Variants in NAXD observed in about 807,000 individuals in gnomAD.
NAXD encodes NAD(P)HX dehydratase, also known as ATP-dependent (S)-NAD(P)H-hydrate dehydratase.
NAXD carries 22 observed loss-of-function variants against 35.8 expected under a neutral mutation model. That is an observed-to-expected ratio of 0.62 (90% CI 0.44 to 0.88). The LOEUF (loss-of-function observed/expected upper bound fraction) is 0.88. Ranked by LOEUF, NAXD falls within the 40% of genes least tolerant of loss-of-function variation. NAXD has a pLI of 0.00. For synonymous variants in NAXD, 189 were observed against 177.6 expected (o/e 1.06, Z -0.51); for missense variants, 428 against 437.7 (o/e 0.98, Z 0.20).
chr13:110,624,236 A>T lies in NAXD; in HGVS notation c.200A>T (p.Tyr67Phe), dbSNP rs772245800. 6.2e-7 allele frequency: 1 copy of T among 1,604,768 alleles called. No homozygotes were observed. The highest frequency in any genetic ancestry group is 1.1e-5 in the South Asian group (1 of 90,336). Residue 67 changes from tyrosine (Y) to phenylalanine (F), a missense_variant and splice_region_variant, in exon 3 of 10, where the codon TAC becomes TTC. Tyr to Phe is a conservative substitution (Grantham distance 22, BLOSUM62 3). This residue lies in a region of NAXD where 208 missense variants were observed against 193.0 expected (regional missense o/e 1.08). Transcript: ENST00000680254. ...RIGVVGGCQE[Y>F]TGAPYFAAIS... ...GACTCTAAATACCTTCTTTTTAGGT[A>T]CACTGGAGCCCCATATTTTGCAGCA...
chr13:110,619,195 G>C (rs939837060), intron 1 of NAXD, among the ~76,000 whole-genome samples: 1 of 152,128 alleles, frequency 6.6e-6, no homozygotes, highest in Non-Finnish European at 1.5e-5. Context: ...GTGGGTTTAT[G>C]GTATTTGCCC....
In NAXD at chr13:110,624,843, C is replaced by T. The variant is rs550646090; in HGVS notation, c.244-347C>T. Among the ~76,000 whole-genome samples, 22 of 152,330 alleles carry T rather than the reference C, an allele frequency of 1.4e-4. 2 individuals carry two copies. The South Asian group carries it at 3.5e-3, about 24-fold the overall frequency. On this transcript the variant is annotated intron_variant, in intron 3 of 9. Transcript: ENST00000680254. ...GTGCACCTGGGATGCCTTTGTAGGT[C>T]GCAGCTGAAGCCGCTGATCCTGCAG...
intron 4 of NAXD, among the ~76,000 whole-genome samples, chr13:110,626,003 C>G (rs1025229239): frequency 3.9e-5 from 6 of 152,096 alleles, no homozygotes; most frequent in African/African-American, 1.4e-4. Flanking sequence ...CTGGGTCGAG[C>G]CCGGCCTCTC....
At chr13:110,634,088 C>G (rs532113409) in intron 5 of NAXD, among the ~76,000 whole-genome samples, 1 of 152,170 alleles carries the variant, frequency 6.6e-6, no homozygotes, top group Admixed American at 6.5e-5. Context: ...ACGGGCTCTG[C>G]GAGTTCATTG....
intron 4 of NAXD, among the ~76,000 whole-genome samples, chr13:110,626,077 AGGTGCAGGGCTGGGCCCCACAG>A (rs1247674900): frequency 6.6e-6 from 1 of 151,910 alleles, no homozygotes; most frequent in African/African-American, 2.4e-5. Flanking sequence ...GGTGACCAAG[AGGTGCAGGGCTGGGCCCCACAG>A]GGTGTGGGGC....
chr13:110,624,140 ATTT>A (rs1309860324), intron 2 of NAXD, 91 bp from the exon 3 acceptor site: 5 of 750,524 alleles, frequency 6.7e-6, no homozygotes, highest in Non-Finnish European at 1.2e-5. Context: ...TGTCTATATT[ATTT>A]ATGTCTATTT....
chr13:110,624,189 T>TG, intron 2 of NAXD, 45 bp from the exon 3 acceptor site: 1 of 1,191,440 alleles, frequency 8.4e-7, no homozygotes. Context: ...AAGGTATGCT[T>TG]ACCTTATTCT....
intron 8 of NAXD, among the ~76,000 whole-genome samples, chr13:110,636,377 T>C (rs573950137): frequency 1.3e-5 from 2 of 152,334 alleles, no homozygotes; most frequent in East Asian, 3.9e-4. Context: ...ACGCATGCAA[T>C]TCATACACAT....
At chr13:110,622,104 A>T (rs1040142495) in intron 1 of NAXD, 112 bp from the exon 2 acceptor site, 18 of 863,388 alleles carry the variant, frequency 2.1e-5, no homozygotes, top group Non-Finnish European at 2.9e-5. Context: ...CCATTGGGTA[A>T]AAATCTATAG....
intron 5 of NAXD, among the ~76,000 whole-genome samples, chr13:110,631,790 A>G (rs1184220372): frequency 1.3e-5 from 2 of 152,162 alleles, no homozygotes; most frequent in Non-Finnish European, 2.9e-5. Flanking sequence ...AGTCTCAGGT[A>G]CCTGCCTCCC....
At chr13:110,615,923 C>G in intron 1 of NAXD, 1 of 604,738 alleles carries the variant, frequency 1.7e-6, no homozygotes, top group Non-Finnish European at 2.4e-6. Context: ...GACGGCTGGG[C>G]GCGGCTTGGG....
At chr13:110,624,766 T>C (rs1225811528) in intron 3 of NAXD, among the ~76,000 whole-genome samples, 2 of 152,206 alleles carry the variant, frequency 1.3e-5, no homozygotes, top group Admixed American at 6.5e-5. Context: ...CTGGCCTCAA[T>C]TGAAGCCCAT....
intron 5 of NAXD, among the ~76,000 whole-genome samples, chr13:110,632,197 G>A (rs183284243): frequency 6.7e-6 from 1 of 148,826 alleles, no homozygotes; most frequent in African/African-American, 2.5e-5. Context: ...ACAGACCTTC[G>A]CGGTGAGTGT....
At chr13:110,616,051 C>T in intron 1 of NAXD, 1 of 371,416 alleles carries the variant, frequency 2.7e-6, no homozygotes, top group African/African-American at 2.1e-5. Context: ...GGGCCGAGGG[C>T]CGAGGACGGT....
intron 5 of NAXD, among the ~76,000 whole-genome samples, chr13:110,633,770 T>C (rs975123325): frequency 4.0e-4 from 60 of 150,736 alleles, no homozygotes; most frequent in Non-Finnish European, 1.5e-5. Context: ...TTTTTTTTTT[T>C]AATAGAAAAC....
At chr13:110,624,379 ATATCT>A (rs10544782) in intron 3 of NAXD, 100 bp downstream of exon 3, 105,724 of 788,234 alleles carry the variant, frequency 0.13, 8,858 homozygotes, top group Admixed American at 0.34. Context: ...AATCTAAATA[ATATCT>A]TAGGGTAATC....
intron 1 of NAXD, 60 bp downstream of exon 1, chr13:110,615,707 C>A: frequency 6.6e-7 from 1 of 1,517,696 alleles, no homozygotes; most frequent in Non-Finnish European, 8.8e-7. Context: ...GAACTGCCGT[C>A]GCCGGCGCGG....
chr13:110,630,852 C>A (rs1886671921), intron 5 of NAXD, among the ~76,000 whole-genome samples: 1 of 152,164 alleles, frequency 6.6e-6, no homozygotes, highest in South Asian at 2.1e-4. Context: ...ACTGTTGTTT[C>A]TGTTTTGTTG....
Position 110,621,170 on chromosome 13 carries a change from G to C in NAXD, c.47-1046G>C, listed in dbSNP as rs182894420. 3.0e-3 allele frequency among the ~76,000 whole-genome samples: 451 copies of C among 152,322 alleles called. 3 individuals are homozygous for C. The highest frequency in any genetic ancestry group is 6.8e-3 in the Middle Eastern group (2 of 294). On this transcript the variant is annotated intron_variant, in intron 1 of 9. Transcript: ENST00000680254. ...ATACCCAGTTGAGTGTTGGAATACAGTTGGGAGTAATATGATGAATCTGTC... is the reference window on the plus strand; with the variant it reads ...ATACCCAGTTGAGTGTTGGAATACACTTGGGAGTAATATGATGAATCTGTC...
Sources: gnomAD v4.1 joint callset for allele counts (sites outside exome capture counted in the v4.1 genomes callset) on GRCh38, gnomAD v4.1.1 for gene constraint, gnomAD v4.1.1 regional missense constraint, MANE v1.5 for transcripts, NCBI Gene and HGNC (gene_info 2026-07-23, HGNC 2026-07-21) for gene names.